Variants in FAM107B observed in about 807,000 individuals in gnomAD.
FAM107B encodes family with sequence similarity 107 member B.
A neutral mutation model predicts 31.5 loss-of-function variants in FAM107B; 21 were observed. The ratio of observed to expected loss-of-function variants is 0.67; its 90% CI spans 0.47 to 0.96. FAM107B has a LOEUF of 0.96. FAM107B is among the 40% of genes least tolerant of loss of function. The probability of loss-of-function intolerance (pLI) is 0.00; values close to 1 mark genes in which losing one functional copy is unlikely to be tolerated. For missense variants in FAM107B, 452 were observed against 377.1 expected, an observed-to-expected ratio of 1.20 and a Z score of -1.64; for synonymous variants, 157 against 141.5, an observed-to-expected ratio of 1.11 and a Z score of -0.78.
chr10:14,623,309 G>A (rs949799903), intron 2 of FAM107B, among the ~76,000 whole-genome samples: 8 of 152,202 alleles, frequency 5.3e-5, no homozygotes, highest in Non-Finnish European at 1.5e-5. Context: ...CTTATCACCT[G>A]CAAAAGTCCA....
At chr10:14,562,041 C>T (rs1471857490) in intron 2 of FAM107B, among the ~76,000 whole-genome samples, 1 of 152,202 alleles carries the variant, frequency 6.6e-6, no homozygotes, top group Non-Finnish European at 1.5e-5. Flanking sequence ...CCGCCTTGGC[C>T]TCCCAAAGTG....
intron 1 of FAM107B, among the ~76,000 whole-genome samples, chr10:14,722,693 C>G (rs1302707592): frequency 6.6e-6 from 1 of 152,082 alleles, no homozygotes; most frequent in African/African-American, 2.4e-5. Context: ...TGCCAGAGTT[C>G]TCTATATATT....
intron 2 of FAM107B, among the ~76,000 whole-genome samples, chr10:14,608,282 G>A (rs936465455): frequency 6.6e-6 from 1 of 152,184 alleles, no homozygotes; most frequent in Admixed American, 6.5e-5. Context: ...CATTCAAAAA[G>A]AAATAAAATC....
chr10:14,717,474 G>A (rs1855806070), intron 1 of FAM107B, among the ~76,000 whole-genome samples: 1 of 152,206 alleles, frequency 6.6e-6, no homozygotes, highest in Non-Finnish European at 1.5e-5. Flanking sequence ...GCAGCCCTAA[G>A]TCTGAGAGCC....
chr10:14,588,671 T>C (rs751809271), intron 2 of FAM107B, among the ~76,000 whole-genome samples: 3 of 152,090 alleles, frequency 2.0e-5, no homozygotes, highest in South Asian at 4.2e-4. Context: ...TCCTCTCCCA[T>C]GCCACAGGGT....
At chr10:14,712,136 G>C (rs1855663196) in intron 1 of FAM107B, among the ~76,000 whole-genome samples, 1 of 152,136 alleles carries the variant, frequency 6.6e-6, no homozygotes, top group Non-Finnish European at 1.5e-5. Context: ...AAAATACACA[G>C]ATTTATTGAT....
chr10:14,529,713 G>A (rs994302391), intron 3 of FAM107B: 1 of 152,156 alleles, frequency 6.6e-6, no homozygotes, highest in Admixed American at 6.5e-5. Context: ...TTAAAAAGCA[G>A]AGTATAGCAA....
chr10:14,750,269 A>G (rs866035860), intron 1 of FAM107B, among the ~76,000 whole-genome samples: 16 of 152,230 alleles, frequency 1.1e-4, no homozygotes, highest in Non-Finnish European at 7.3e-5. Flanking sequence ...GGGGAGCCAC[A>G]TCGTAACGGA....
At chr10:14,528,043 CAAAGA>C in intron 3 of FAM107B, 3 of 377,370 alleles carry the variant, frequency 7.9e-6, no homozygotes, top group South Asian at 5.9e-5. Flanking sequence ...CAAAATCCTT[CAAAGA>C]AAAGGGAGAA....
Position 14,690,753 on chromosome 10 carries a change from A to G in FAM107B, c.412-23062T>C, listed in dbSNP as rs7905400. Among the ~76,000 whole-genome samples the G allele has an allele frequency of 3.1e-3, 462 of 151,268 alleles. 7 individuals carry two copies. The highest frequency in any genetic ancestry group is 9.8e-3 in the African/African-American group (402 of 41,204). ...AGGCGTGAGCCACCACGCCCGGCCA[A>G]CTAGCCCCTTTATTAAGCTCTCTTT... On this transcript the variant is annotated intron_variant, in intron 1 of 4. Coordinates refer to ENST00000181796, the MANE Select transcript of FAM107B (RefSeq NM_031453.4).
chr10:14,694,953 G>T (rs888240935), intron 1 of FAM107B, among the ~76,000 whole-genome samples: 3 of 152,094 alleles, frequency 2.0e-5, no homozygotes, highest in Non-Finnish European at 4.4e-5. Context: ...ATAGGTTGCT[G>T]TTTCACTACG....
At chr10:14,556,603 T>C (rs1200401578) in intron 2 of FAM107B, among the ~76,000 whole-genome samples, 1 of 152,212 alleles carries the variant, frequency 6.6e-6, no homozygotes, top group Non-Finnish European at 1.5e-5. Context: ...CTGGTCCATC[T>C]AGGCCACAAG....
intron 2 of FAM107B, among the ~76,000 whole-genome samples, chr10:14,630,901 ATCAGTAAAGGACCT>A (rs1853337727): frequency 6.6e-6 from 1 of 152,142 alleles, no homozygotes; most frequent in African/African-American, 2.4e-5. Context: ...AAAGTAGAAC[ATCAGTAAAGGACCT>A]TCAAATGCTA....
At chr10:14,601,427 T>C (rs1236355565) in intron 2 of FAM107B, among the ~76,000 whole-genome samples, 1 of 152,074 alleles carries the variant, frequency 6.6e-6, no homozygotes, top group Non-Finnish European at 1.5e-5. Context: ...GAAAAATGGT[T>C]TGTTTCAAGA....
chr10:14,712,625 A>AG lies in FAM107B; in HGVS notation c.412-44935_412-44934insC, dbSNP rs570426121. Among the ~76,000 whole-genome samples the AG allele has an allele frequency of 2.2e-3, 239 of 107,534 alleles. 2 individuals are homozygous for AG. The highest frequency in any genetic ancestry group is 7.1e-3 in the African/African-American group (190 of 26,788). 70.5% of individuals were successfully genotyped at this position (107,534 alleles called of 152,430 possible). A position where few individuals can be genotyped will look rare whatever the true frequency, so the allele number is the denominator to read the frequency against. On this transcript the variant is annotated intron_variant, in intron 1 of 4. Coordinates refer to ENST00000181796, the MANE Select transcript of FAM107B (RefSeq NM_031453.4). ...CTGACTCCCACCAAAAAACAAAAAA[A>AG]AAAGAAGAAGAAGTTGGGATAAATG...
At chr10:14,589,790 C>G (rs762154011) in intron 2 of FAM107B, among the ~76,000 whole-genome samples, 11 of 151,862 alleles carry the variant, frequency 7.2e-5, no homozygotes, top group Non-Finnish European at 1.3e-4. Context: ...ATGTACTGCA[C>G]ATGTAGCCCA....
At chr10:14,746,083 G>T (rs558121380) in intron 1 of FAM107B, among the ~76,000 whole-genome samples, 153 of 152,100 alleles carry the variant, frequency 1.0e-3, no homozygotes, top group Non-Finnish European at 1.9e-3. Context: ...ATCTTTGTTA[G>T]TTTAAAGTCT....
intron 2 of FAM107B, among the ~76,000 whole-genome samples, chr10:14,595,731 CAT>C (rs1270141802): frequency 4.6e-5 from 7 of 152,184 alleles, no homozygotes; most frequent in Admixed American, 2.6e-4. Context: ...ATGTGAACAT[CAT>C]AAAGCTCATC....
At chr10:14,582,371 T>C (rs1851662607) in intron 2 of FAM107B, among the ~76,000 whole-genome samples, 1 of 90,462 alleles carries the variant, frequency 1.1e-5, no homozygotes, top group African/African-American at 3.7e-5. Context: ...TTGTTTTTTC[T>C]TTTCTTTTTT....
Sources: gnomAD v4.1 joint callset for allele counts (sites outside exome capture counted in the v4.1 genomes callset) on GRCh38, gnomAD v4.1.1 for gene constraint, MANE v1.5 for transcripts, NCBI Gene and HGNC (gene_info 2026-07-23, HGNC 2026-07-21) for gene names.